The following ENTR1 variants were observed in gnomAD, a reference collection of about 807,000 sequenced individuals.
ENTR1 encodes the protein endosome associated trafficking regulator 1.
Under a neutral mutation model 47.9 loss-of-function variants are expected in ENTR1, and 47 were observed. The ratio of observed to expected loss-of-function variants is 0.98; its 90% confidence interval spans 0.78 to 1.25. The LOEUF (loss-of-function observed/expected upper bound fraction) is 1.25. Ranked by LOEUF, ENTR1 falls within the 50% of genes most tolerant of loss-of-function variation. The pLI is 0.00. For missense variants in ENTR1, 668 were observed against 570.5 expected (o/e 1.17, Z -1.74); for synonymous variants, 290 against 245.8 (o/e 1.18, Z -1.68).
chr9:136,410,347 C>A lies in ENTR1; in HGVS notation c.51G>T (p.Arg17=). Reference sequence around the variant, plus strand: ...GCTCACCGTCGGGAATGGCGAGGCTCCGGGCTCGGGACAGCGGGGTGGCGC... The same window carrying A: ...GCTCACCGTCGGGAATGGCGAGGCTACGGGCTCGGGACAGCGGGGTGGCGC... ...RPGATPLSRA[R]SLAIPDAPAF... Residue 17 remains arginine, a synonymous_variant, in exon 1 of 10, where the codon CGG becomes CGT. Transcript: ENST00000357365. 6.5e-7 allele frequency: 1 copy of A among 1,542,942 alleles called. No homozygotes were observed. Among genetic ancestry groups the A allele is most frequent in the South Asian group, 1.2e-5 (1 of 83,704 alleles).
At chr9:136,405,522 G>C (rs1294253059) in intron 6 of ENTR1, among the ~76,000 whole-genome samples, 1 of 152,216 alleles carries the variant, frequency 6.6e-6, no homozygotes, top group Non-Finnish European at 1.5e-5. Flanking sequence ...AGGATTCCTT[G>C]AGCCGAGGAG....
At chr9:136,407,010 A>G in intron 5 of ENTR1, 135 bp downstream of exon 5, 1 of 816,532 alleles carries the variant, frequency 1.2e-6, no homozygotes, top group Non-Finnish European at 1.9e-6. Context: ...GAAAGTGGAT[A>G]GCAGGCTGTC....
rs1834917824 is a variant in ENTR1 at position 136,408,868 on chromosome 9, A to C, written c.289+131T>G. On this transcript the variant is annotated intron_variant, in intron 3 of 9. Transcript: ENST00000357365. ...TCTAGGATCAAGACTGAACCCTTGA[A>C]ATCCCACCCCCACCTGCTCTTTTGG... The C allele has an allele frequency of 5.9e-6, 4 of 674,268 alleles. No individual in the cohort carries two copies. In the Admixed American group the frequency reaches 9.0e-5, roughly 15 times the overall value. The allele number at this position is 674,268 out of a possible 1,614,324, so 41.8% of individuals were successfully genotyped here.
chr9:136,407,014 G>A (rs1257529558), intron 5 of ENTR1, 131 bp downstream of exon 5: 1 of 848,324 alleles, frequency 1.2e-6, no homozygotes, highest in Non-Finnish European at 1.8e-6. Context: ...GTGGATAGCA[G>A]GCTGTCACGC....
chr9:136,405,077 G>A lies in ENTR1; in HGVS notation c.1005+14C>T. ...CCCCACCCAGCTCGTCCGATTCAGA[G>A]AAGAAACCCATACGGTCATCAGCTC... On this transcript the variant is annotated intron_variant, in intron 7 of 9. Coordinates refer to ENST00000357365, the MANE Select transcript of ENTR1 (RefSeq NM_001039707.2). 1 of 1,605,402 alleles carries A rather than the reference G, an allele frequency of 6.2e-7. No individual in the cohort carries two copies. Among genetic ancestry groups the A allele is most frequent in the Non-Finnish European group, 8.5e-7 (1 of 1,172,990 alleles).
chr9:136,408,378 A>G (rs534749094), intron 3 of ENTR1, among the ~76,000 whole-genome samples: 146 of 152,036 alleles, frequency 9.6e-4, no homozygotes, highest in Non-Finnish European at 1.4e-3. Context: ...GGAGACTGAG[A>G]CCATCCTGGC....
intron 5 of ENTR1, 131 bp downstream of exon 5, chr9:136,407,014 G>C: frequency 5.9e-6 from 5 of 848,324 alleles, no homozygotes; most frequent in South Asian, 1.8e-5. Context: ...GTGGATAGCA[G>C]GCTGTCACGC....
At chr9:136,408,526 C>T (rs1261866631) in intron 3 of ENTR1, among the ~76,000 whole-genome samples, 3 of 152,106 alleles carry the variant, frequency 2.0e-5, no homozygotes, top group East Asian at 1.9e-4. Context: ...TGCAGTGAGC[C>T]GAGATCGTGC....
intron 5 of ENTR1, 44 bp from the exon 6 acceptor site, chr9:136,406,022 C>G (rs1834747274): frequency 1.4e-6 from 2 of 1,472,548 alleles, no homozygotes; most frequent in South Asian, 1.2e-5. Context: ...GCATGTCTGG[C>G]TCAAAAGGGC....
At chr9:136,403,440 T>A (rs13300907) in intron 9 of ENTR1, among the ~76,000 whole-genome samples, 6,775 of 23,476 alleles carry the variant, frequency 0.29, 616 homozygotes, top group Non-Finnish European at 0.34. Context: ...ACAGGGTTCC[T>A]GGGAGCAAGG....
In ENTR1 at chr9:136,404,080, T is replaced by C. The variant is rs530153047; in HGVS notation, c.1183A>G (p.Met395Val). The change falls in exon 9 of 10, where the codon ATG becomes GTG. Residue 395 changes from methionine to valine, a missense_variant. Met to Val is a conservative substitution (Grantham distance 21). Transcript: ENST00000357365. The part of the protein sequence containing the change: ...DVALQNLRVV[M>V]NSAQASIKQL... ...TTGATGGAAGCCTGTGCACTGTTCATGACCACCCGGAGGTTCTGCAGGGCC... is the reference window on the plus strand; with the variant it reads ...TTGATGGAAGCCTGTGCACTGTTCACGACCACCCGGAGGTTCTGCAGGGCC... 10 of 1,612,886 alleles carry C rather than the reference T, an allele frequency of 6.2e-6. No homozygotes were observed. The Admixed American group carries it at 6.7e-5, about 11-fold the overall frequency.
intron 6 of ENTR1, among the ~76,000 whole-genome samples, chr9:136,405,522 G>A (rs1294253059): frequency 6.6e-6 from 1 of 152,216 alleles, no homozygotes; most frequent in Non-Finnish European, 1.5e-5. Context: ...AGGATTCCTT[G>A]AGCCGAGGAG....
intron 4 of ENTR1, 57 bp from the exon 5 acceptor site, chr9:136,407,618 TCTTCCTTTCTGTGTTCTGC>T: frequency 1.3e-6 from 2 of 1,494,282 alleles, no homozygotes; most frequent in Non-Finnish European, 1.8e-6. Flanking sequence ...TCGGAGCGCA[TCTTCCTTTCTGTGTTCTGC>T]CTCGCAACAA....
chr9:136,410,504 C>T lies in ENTR1; in HGVS notation c.-107G>A. On this transcript the variant is annotated 5_prime_UTR_variant, in exon 1 of 10. Transcript: ENST00000357365. ...GCGTCGCCCGCCCCCGTCGCCCGCC[C>T]CCGTCGCCCGCCGCTCGGCCGCCCC... 3.1e-6 allele frequency: 3 copies of T among 964,526 alleles called. No individual in the cohort carries two copies. Among genetic ancestry groups the T allele is most frequent in the African/African-American group, 1.8e-5 (1 of 56,754 alleles). The allele number at this position is 964,526 out of a possible 1,614,324, so 59.7% of individuals were successfully genotyped here.
chr9:136,404,715 C>T, intron 7 of ENTR1, 22 bp from the exon 8 acceptor site: 1 of 1,613,280 alleles, frequency 6.2e-7, no homozygotes, highest in Non-Finnish European at 8.5e-7. Flanking sequence ...AAAAGAAAAA[C>T]CACAAAAAGC....
intron 9 of ENTR1, among the ~76,000 whole-genome samples, chr9:136,403,656 CACT>C (rs1238094656): frequency 1.3e-5 from 2 of 152,116 alleles, no homozygotes. Context: ...AGACACTCAC[CACT>C]GTCACAGTCA....
chr9:136,403,410 GT>G, intron 9 of ENTR1, among the ~76,000 whole-genome samples: 2 of 91,074 alleles, frequency 2.2e-5, no homozygotes, highest in African/African-American at 3.9e-5. Flanking sequence ...AAGGGGTGGG[GT>G]TTGCCGGGGA....
In ENTR1 at chr9:136,410,385, G is replaced by C; in HGVS notation, c.13C>G (p.Gln5Glu). Residue 5 changes from glutamine to glutamate, a missense_variant, in exon 1 of 10, where the codon CAG becomes GAG. Coordinates refer to ENST00000357365, the MANE Select transcript of ENTR1 (RefSeq NM_001039707.2). MSGY[Q>E]RRPGATPLSR... Reference sequence around the variant, plus strand: ...AGCGGGGTGGCGCCCGGGCGGCGCTGGTAGCCCGACATCGCCGCCGGCCCG... The same window carrying C: ...AGCGGGGTGGCGCCCGGGCGGCGCTCGTAGCCCGACATCGCCGCCGGCCCG... 2.8e-6 allele frequency: 4 copies of C among 1,415,206 alleles called. No homozygotes were observed. Among genetic ancestry groups the C allele is most frequent in the Non-Finnish European group, 3.7e-6 (4 of 1,093,514 alleles). 87.7% of individuals were successfully genotyped at this position (1,415,206 alleles called of 1,614,324 possible).
At chr9:136,404,577 A>G in intron 8 of ENTR1, 54 bp downstream of exon 8, 5 of 1,575,728 alleles carry the variant, frequency 3.2e-6, no homozygotes, top group Middle Eastern at 1.7e-4. Flanking sequence ...TACTGAATTC[A>G]TTATGTGACT....
Sources: allele counts gnomAD v4.1 joint callset (sites outside exome capture counted in the v4.1 genomes callset), GRCh38; gene constraint gnomAD v4.1.1; transcripts MANE v1.5; gene names NCBI Gene and HGNC (gene_info 2026-07-23, HGNC 2026-07-21).